SPATA17: variants seen among roughly 807,000 people sequenced by gnomAD.
SPATA17 encodes the protein spermatogenesis associated 17.
A neutral mutation model predicts 62.2 loss-of-function variants in SPATA17; 53 were observed. The observed-to-expected ratio is 0.85, with a 90% confidence interval of 0.68 to 1.07. The LOEUF is 1.07. Ranked by LOEUF, SPATA17 falls within the 50% of genes least tolerant of loss-of-function variation. SPATA17 has a pLI of 0.00. For synonymous variants in SPATA17, 146 were observed against 146.8 expected (o/e 0.99, Z 0.04); for missense variants, 466 against 425.5 (o/e 1.10, Z -0.84).
intron 8 of SPATA17, chr1:217,785,000 G>T (rs1184387541): frequency 1.3e-5 from 2 of 152,168 alleles, no homozygotes; most frequent in Non-Finnish European, 2.9e-5. Context: ...CAAGATGGAG[G>T]GGTCAGCGGA....
At chr1:217,709,066 C>T (rs1372019514) in intron 5 of SPATA17, among the ~76,000 whole-genome samples, 1 of 152,150 alleles carries the variant, frequency 6.6e-6, no homozygotes, top group Non-Finnish European at 1.5e-5. Context: ...GACAAACTCA[C>T]ACCAGCTTTA....
rs1558084576 is a variant in SPATA17, at chr1:217,871,658, G to A, written c.*4639G>A. On this transcript the variant is annotated 3_prime_UTR_variant, in exon 11 of 11. Coordinates refer to ENST00000366933, the MANE Select transcript of SPATA17 (RefSeq NM_138796.4). ...CAAATCGCTGGGTAATGCTGTTTAG[G>A]TTGTTCTATTTTCCACGGATTAAAT... 1.3e-5 allele frequency: 2 copies of A among 152,130 alleles called. No homozygotes were observed. Among genetic ancestry groups the A allele is most frequent in the Admixed American group, 6.6e-5 (1 of 15,262 alleles). The allele number at this position is 152,130 out of a possible 1,614,324, so 9.4% of individuals were successfully genotyped here. A position where few individuals can be genotyped will look rare whatever the true frequency, so the allele number is the denominator to read the frequency against.
At chr1:217,863,422 G>A (rs950347856) in intron 10 of SPATA17, among the ~76,000 whole-genome samples, 1 of 152,088 alleles carries the variant, frequency 6.6e-6, no homozygotes, top group African/African-American at 2.4e-5. Context: ...GAGCCACCAT[G>A]CGCGGCCCTT....
chr1:217,844,764 T>G (rs1228736242), intron 9 of SPATA17, among the ~76,000 whole-genome samples: 1 of 152,136 alleles, frequency 6.6e-6, no homozygotes, highest in Non-Finnish European at 1.5e-5. Context: ...CATATGTAAG[T>G]GACAACTAGA....
At chr1:217,659,187 AACACACACACACACACAC>A (rs10546517) in intron 3 of SPATA17, among the ~76,000 whole-genome samples, 1 of 144,550 alleles carries the variant, frequency 6.9e-6, no homozygotes, top group Non-Finnish European at 1.5e-5. Flanking sequence ...TGCCCATCAA[AACACACACACACACACAC>A]ACACACACAC....
intron 1 of SPATA17, among the ~76,000 whole-genome samples, chr1:217,645,091 T>C (rs1188375013): frequency 6.6e-6 from 1 of 152,050 alleles, no homozygotes; most frequent in Non-Finnish European, 1.5e-5. Context: ...CAGAGAAACA[T>C]GTATAGAAGT....
intron 5 of SPATA17, among the ~76,000 whole-genome samples, chr1:217,689,112 T>G (rs1671290331): frequency 6.6e-6 from 1 of 152,056 alleles, no homozygotes; most frequent in African/African-American, 2.4e-5. Flanking sequence ...TTAAATGTTG[T>G]GGATACAATG....
chr1:217,638,806 A>T (rs1224566412), intron 1 of SPATA17, among the ~76,000 whole-genome samples: 1 of 152,192 alleles, frequency 6.6e-6, no homozygotes, highest in Admixed American at 6.5e-5. Context: ...ACCAATTTTT[A>T]AAAATAATAA....
chr1:217,808,677 C>T (rs1674505058), intron 9 of SPATA17, among the ~76,000 whole-genome samples: 1 of 151,960 alleles, frequency 6.6e-6, no homozygotes, highest in Admixed American at 6.6e-5. Flanking sequence ...CATGGTGAAA[C>T]CCTGTCTCTA....
intron 4 of SPATA17, among the ~76,000 whole-genome samples, chr1:217,675,099 T>C (rs569007361): frequency 6.6e-6 from 1 of 152,148 alleles, no homozygotes; most frequent in African/African-American, 2.4e-5. Flanking sequence ...CTGGACCCCT[T>C]CTATCTGCCA....
chr1:217,662,740 G>T (rs938885255), intron 3 of SPATA17, among the ~76,000 whole-genome samples: 37 of 152,216 alleles, frequency 2.4e-4, no homozygotes, highest in Admixed American at 2.4e-3. Context: ...AGTTTTAAAA[G>T]TGATAAGAGA....
At chr1:217,778,845 C>G (rs1014512462) in intron 7 of SPATA17, among the ~76,000 whole-genome samples, 2 of 152,124 alleles carry the variant, frequency 1.3e-5, no homozygotes, top group African/African-American at 4.8e-5. Flanking sequence ...TTCTTCTACA[C>G]TTGTCAGTGT....
At chr1:217,689,221 C>CTTTTTTTTTTTT (rs200885875) in intron 5 of SPATA17, among the ~76,000 whole-genome samples, 8 of 102,592 alleles carry the variant, frequency 7.8e-5, no homozygotes, top group Non-Finnish European at 1.1e-4. Context: ...TTTATTATGT[C>CTTTTTTTTTTTT]TTTTTTTTTT....
intron 6 of SPATA17, among the ~76,000 whole-genome samples, chr1:217,743,670 C>T (rs754868777): frequency 1.5e-4 from 23 of 151,884 alleles, no homozygotes; most frequent in Non-Finnish European, 2.4e-4. Flanking sequence ...AGTACAGTGG[C>T]GTGATCTTGG....
At chr1:217,792,080 C>A (rs1325820900) in intron 8 of SPATA17, among the ~76,000 whole-genome samples, 1 of 152,066 alleles carries the variant, frequency 6.6e-6, no homozygotes, top group East Asian at 1.9e-4. Flanking sequence ...AAAAAAAAAT[C>A]ACAACAAATA....
In SPATA17 at chr1:217,825,384, A is replaced by AT. The variant is rs201932841; in HGVS notation, c.1005+23541dup. Among the ~76,000 whole-genome samples, 1,400 of 151,886 alleles carry AT rather than the reference A, an allele frequency of 9.2e-3. 25 individuals carry two copies. Among genetic ancestry groups the AT allele is most frequent in the African/African-American group, 0.033 (1,350 of 41,496 alleles). On this transcript the variant is annotated intron_variant, in intron 9 of 10. Coordinates refer to ENST00000366933, the MANE Select transcript of SPATA17 (RefSeq NM_138796.4). Reference sequence around the variant, plus strand: ...GTGAATGTGTAAATCATGCCATGTCATTTTTTTGTTTTGTTTTTATAAAAA... The same window carrying AT: ...GTGAATGTGTAAATCATGCCATGTCATTTTTTTTGTTTTGTTTTTATAAAAA...
At chr1:217,802,281 G>A (rs1010589450) in intron 9 of SPATA17, among the ~76,000 whole-genome samples, 1 of 152,112 alleles carries the variant, frequency 6.6e-6, no homozygotes, top group Non-Finnish European at 1.5e-5. Flanking sequence ...ATGTATAAAT[G>A]TATAACATAC....
chr1:217,676,844 GA>G, intron 4 of SPATA17, among the ~76,000 whole-genome samples: 1 of 151,926 alleles, frequency 6.6e-6, no homozygotes, highest in African/African-American at 2.4e-5. Context: ...TATGAGGAAT[GA>G]AAAAAATGGT....
At chr1:217,766,669 C>A (rs1287930628) in intron 6 of SPATA17, among the ~76,000 whole-genome samples, 1 of 151,060 alleles carries the variant, frequency 6.6e-6, no homozygotes, top group African/African-American at 2.4e-5. Flanking sequence ...CTTCTCTGAT[C>A]TCCCTTTTTT....
Sources: allele counts gnomAD v4.1 joint callset (sites outside exome capture counted in the v4.1 genomes callset), GRCh38; gene constraint gnomAD v4.1.1; transcripts MANE v1.5; gene names NCBI Gene and HGNC (gene_info 2026-07-23, HGNC 2026-07-21).